DNAH8: variants seen among roughly 807,000 people sequenced by gnomAD.
The protein encoded by DNAH8 is axonemal beta dynein heavy chain 8.
In DNAH8, 382 loss-of-function variants were observed where a neutral mutation model predicts 562.1. That is an observed-to-expected ratio of 0.68 (90% CI 0.63 to 0.74). The LOEUF is 0.74. Among genes scored for constraint, DNAH8 ranks in the 30% least tolerant of loss-of-function variants. The pLI, the probability that DNAH8 is intolerant of heterozygous loss-of-function variation, is 0.00. For synonymous variants in DNAH8, 1,881 were observed against 1,919.4 expected (o/e 0.98, Z 0.52); for missense variants, 5,203 against 5,620.4 (o/e 0.93, Z 2.37).
chr6:38,842,385 TG>T lies in DNAH8; in HGVS notation c.4485del (p.Gln1496ArgfsTer10). 2 of 1,603,896 alleles carry T rather than the reference TG, an allele frequency of 1.2e-6. No homozygotes were observed. The highest frequency in any genetic ancestry group is 1.7e-6 in the Non-Finnish European group (2 of 1,176,714). On this transcript the variant is annotated frameshift_variant, in exon 34 of 93. Coordinates refer to ENST00000327475, the MANE Select transcript of DNAH8 (RefSeq NM_001206927.2). LOFTEE classifies it high-confidence loss of function. The stretch of plus-strand genomic sequence containing the variant: ...TTTCCCAGAAAAGAACTCAACTTGC[TG>T]CAGAAGCTGTATGGATTGTATGACA... ...LHKTRKELNL[L>X]QKLYGLYDTV...
In DNAH8 at chr6:38,845,569, C is replaced by G. The variant is rs776488002; in HGVS notation, c.4846-5C>G. 1.2e-6 allele frequency: 2 copies of G among 1,611,502 alleles called. No homozygotes were observed. Among genetic ancestry groups the G allele is most frequent in the Non-Finnish European group, 1.7e-6 (2 of 1,177,790 alleles). On this transcript the variant is annotated splice_polypyrimidine_tract_variant and splice_region_variant and intron_variant, in intron 35 of 92. Transcript: ENST00000327475. ...CATGACATATACTTTGCTTTTCCTTCAAAGGATATTTGCATATCTGCCATT... is the reference window on the plus strand; with the variant it reads ...CATGACATATACTTTGCTTTTCCTTGAAAGGATATTTGCATATCTGCCATT...
At chr6:38,993,970 A>G (rs779625021) in intron 88 of DNAH8, among the ~76,000 whole-genome samples, 2 of 152,204 alleles carry the variant, frequency 1.3e-5, no homozygotes, top group African/African-American at 4.8e-5. Flanking sequence ...ATCAAGATTT[A>G]GCGAATATTG....
chr6:38,942,579 G>A (rs1783549849), intron 79 of DNAH8, among the ~76,000 whole-genome samples: 1 of 152,196 alleles, frequency 6.6e-6, no homozygotes, highest in East Asian at 1.9e-4. Context: ...CTGAGGTTTG[G>A]CTGGCACACA....
intron 24 of DNAH8, among the ~76,000 whole-genome samples, chr6:38,809,874 T>C (rs766448520): frequency 1.2e-4 from 18 of 152,198 alleles, no homozygotes; most frequent in Admixed American, 6.5e-5. Context: ...AAGAGCACTT[T>C]TCCTTTTATT....
chr6:38,850,372 A>G lies in DNAH8; in HGVS notation c.5321A>G (p.His1774Arg), dbSNP rs1453344513. Residue 1774 changes from histidine to arginine, a missense_variant, in exon 38 of 93, where the codon CAT (histidine) becomes CGT (arginine). His to Arg is a conservative substitution (Grantham distance 29). Coordinates refer to ENST00000327475, the MANE Select transcript of DNAH8 (RefSeq NM_001206927.2). ...GDETMGQLLP[H>R]LHEQLEVCQK... Reference sequence around the variant, plus strand: ...GAAACCATGGGACAACTTTTACCTCATTTACATGAGCAGTTGGAAGTATGT... The same window carrying G: ...GAAACCATGGGACAACTTTTACCTCGTTTACATGAGCAGTTGGAAGTATGT... The G allele has an allele frequency of 1.2e-6, 2 of 1,613,652 alleles. No individual in the cohort carries two copies. Among genetic ancestry groups the G allele is most frequent in the South Asian group, 1.1e-5 (1 of 91,030 alleles).
intron 88 of DNAH8, among the ~76,000 whole-genome samples, chr6:38,999,185 A>G (rs1036861641): frequency 6.6e-6 from 1 of 152,146 alleles, no homozygotes; most frequent in Non-Finnish European, 1.5e-5. Flanking sequence ...TCATCATGAA[A>G]GTGATTTATT....
intron 80 of DNAH8, among the ~76,000 whole-genome samples, chr6:38,945,873 C>A (rs531431872): frequency 1.6e-3 from 243 of 152,112 alleles, no homozygotes; most frequent in South Asian, 3.1e-3. Context: ...GTAGATGGAC[C>A]CTTTTATTGT....
chr6:38,895,105 G>A (rs908076854), intron 59 of DNAH8, among the ~76,000 whole-genome samples: 13 of 151,710 alleles, frequency 8.6e-5, no homozygotes, highest in African/African-American at 3.1e-4. Context: ...TTTTGTTGTT[G>A]TTGTTGTATT....
chr6:38,761,711 C>G lies in DNAH8; in HGVS notation c.1525C>G (p.Gln509Glu). 1.3e-6 allele frequency: 2 copies of G among 1,511,962 alleles called. No individual in the cohort carries two copies. The highest frequency in any genetic ancestry group is 1.8e-6 in the Non-Finnish European group (2 of 1,128,984). 93.7% of individuals were successfully genotyped at this position (1,511,962 alleles called of 1,614,324 possible). ...MTSLFIKVTN[Q>E]MVTACKAYIT... Reference sequence around the variant, plus strand: ...CCTATATTTATTTCAGGTAACAAATCAAATGGTAACAGCATGTAAAGCATA... The same window carrying G: ...CCTATATTTATTTCAGGTAACAAATGAAATGGTAACAGCATGTAAAGCATA... Residue 509 changes from glutamine to glutamate, a missense_variant, in exon 11 of 93, where the codon CAA becomes GAA. This residue lies in a region of DNAH8 where 2,176 missense variants were observed against 2,365.1 expected (regional missense o/e 0.92). Transcript: ENST00000327475.
At chr6:38,870,740 G>T (rs1777409265) in intron 49 of DNAH8, among the ~76,000 whole-genome samples, 178 bp downstream of exon 49, 1 of 152,170 alleles carries the variant, frequency 6.6e-6, no homozygotes, top group South Asian at 2.1e-4. Context: ...AGATAGTATG[G>T]ATTTACCCTG....
chr6:38,746,529 T>A lies in DNAH8; in HGVS notation c.1294-3947T>A, dbSNP rs565784017. Among the ~76,000 whole-genome samples the A allele has an allele frequency of 2.7e-3, 407 of 152,128 alleles. 2 individuals carry two copies. The highest frequency in any genetic ancestry group is 3.1e-3 in the African/African-American group (127 of 41,398). The stretch of plus-strand genomic sequence containing the variant: ...TGTTGCTTGTATTTTAATTTTTTTT[T>A]AAAATGGAATCATTTATAATGAATT... On this transcript the variant is annotated intron_variant, in intron 8 of 92. Transcript: ENST00000327475.
rs566818448 is a variant in DNAH8 at position 38,922,650 on chromosome 6, A to G, written c.10663-408A>G. Among the ~76,000 whole-genome samples the G allele has an allele frequency of 7.9e-5, 12 of 152,174 alleles. 1 individual carries two copies. The South Asian group carries it at 2.3e-3, about 29-fold the overall frequency. On this transcript the variant is annotated intron_variant, in intron 71 of 92. Transcript: ENST00000327475. ...AGAGTTGATACAAGCCGGCTGCTACATGCTATTGTTGTCTGGGATTTTTCC... is the reference window on the plus strand; with the variant it reads ...AGAGTTGATACAAGCCGGCTGCTACGTGCTATTGTTGTCTGGGATTTTTCC...
At chr6:38,983,794 T>C (rs1764187364) in intron 86 of DNAH8, among the ~76,000 whole-genome samples, 1 of 152,218 alleles carries the variant, frequency 6.6e-6, no homozygotes, top group African/African-American at 2.4e-5. Context: ...CTCGTAATGA[T>C]TCCAGAAAAT....
chr6:38,952,812 C>T (rs1246834877), intron 82 of DNAH8, among the ~76,000 whole-genome samples: 1 of 152,192 alleles, frequency 6.6e-6, no homozygotes, highest in Non-Finnish European at 1.5e-5. Flanking sequence ...CTCCCAGGTT[C>T]TATTGGCAAC....
At chr6:38,804,719 T>C (rs1771094597) in intron 22 of DNAH8, among the ~76,000 whole-genome samples, 1 of 149,344 alleles carries the variant, frequency 6.7e-6, no homozygotes. Flanking sequence ...TGAGAGAACA[T>C]TCCAGTCAAG....
intron 73 of DNAH8, among the ~76,000 whole-genome samples, chr6:38,925,451 C>G (rs1250971837): frequency 6.6e-6 from 1 of 151,978 alleles, no homozygotes; most frequent in Middle Eastern, 3.4e-3. Context: ...CCCTCCCAGA[C>G]TCCCAAAATG....
rs924634148 is a variant in DNAH8 at position 38,842,355 on chromosome 6, C to T, written c.4467-13C>T. 6.3e-7 allele frequency: 1 copy of T among 1,589,426 alleles called. No individual in the cohort carries two copies. Among genetic ancestry groups the T allele is most frequent in the Non-Finnish European group, 8.5e-7 (1 of 1,169,932 alleles). The stretch of plus-strand genomic sequence containing the variant: ...TATACATGATGTGATAACTTAGTTA[C>T]TTTGTTTCCCAGAAAAGAACTCAAC... On this transcript the variant is annotated splice_polypyrimidine_tract_variant and intron_variant, in intron 33 of 92. Coordinates refer to ENST00000327475, the MANE Select transcript of DNAH8 (RefSeq NM_001206927.2).
At chr6:38,720,368 C>T (rs545378446) in intron 1 of DNAH8, among the ~76,000 whole-genome samples, 1 of 152,300 alleles carries the variant, frequency 6.6e-6, no homozygotes, top group South Asian at 2.1e-4. Context: ...TTTGGCAGTA[C>T]CATGCTGTGG....
chr6:39,026,796 T>C (rs540445679), intron 92 of DNAH8, 129 bp downstream of exon 92: 31 of 898,376 alleles, frequency 3.5e-5, no homozygotes, highest in Non-Finnish European at 4.0e-5. Context: ...CCCTCCATCA[T>C]AGCCAGAAGA....
Sources: allele counts gnomAD v4.1 joint callset (sites outside exome capture counted in the v4.1 genomes callset), GRCh38; gene constraint gnomAD v4.1.1; regional missense constraint gnomAD v4.1.1; transcripts MANE v1.5; gene names NCBI Gene and HGNC (gene_info 2026-07-23, HGNC 2026-07-21).